GALM: variants seen among roughly 807,000 people sequenced by gnomAD.
GALM encodes galactose mutarotase.
In GALM, 43 loss-of-function variants were observed where a neutral mutation model predicts 37.4. The ratio of observed to expected loss-of-function variants is 1.15; its 90% CI spans 0.90 to 1.48. The LOEUF is 1.48. Ranked by LOEUF, GALM falls within the 40% of genes most tolerant of loss-of-function variation. The pLI is 0.00. For missense variants in GALM, 456 were observed against 419.1 expected (o/e 1.09, Z -0.77); for synonymous variants, 199 against 170.6 (o/e 1.17, Z -1.30).
chr2:38,727,943 T>A (rs975943522), intron 4 of GALM, among the ~76,000 whole-genome samples: 2 of 152,172 alleles, frequency 1.3e-5, no homozygotes, highest in Middle Eastern at 3.2e-3. Flanking sequence ...CTACTTTGCA[T>A]GCTACTTCTC....
At chr2:38,722,966 G>A (rs925181233) in intron 4 of GALM, among the ~76,000 whole-genome samples, 1 of 152,166 alleles carries the variant, frequency 6.6e-6, no homozygotes, top group African/African-American at 2.4e-5. Flanking sequence ...GGGACGGGAT[G>A]AGGGAATTCC....
intron 4 of GALM, among the ~76,000 whole-genome samples, chr2:38,705,717 A>G (rs1666022023): frequency 6.6e-6 from 1 of 152,220 alleles, no homozygotes; most frequent in Non-Finnish European, 1.5e-5. Flanking sequence ...GTGCATGTGC[A>G]GGGTCAGCAC....
At chr2:38,702,088 T>TAA (rs1665932410) in intron 4 of GALM, among the ~76,000 whole-genome samples, 1 of 152,130 alleles carries the variant, frequency 6.6e-6, no homozygotes, top group African/African-American at 2.4e-5. Context: ...TATCTTTTCT[T>TAA]GTCTAGATTA....
chr2:38,700,934 A>G (rs1665904797), intron 4 of GALM, among the ~76,000 whole-genome samples: 1 of 152,036 alleles, frequency 6.6e-6, no homozygotes, highest in Admixed American at 6.6e-5. Context: ...TCTTGATAGT[A>G]ATTATCATTT....
chr2:38,703,088 ATATATTTTTTTTTTT>A (rs1558588729), intron 4 of GALM, among the ~76,000 whole-genome samples: 2 of 7,776 alleles, frequency 2.6e-4, no homozygotes, highest in East Asian at 5.2e-3. Context: ...ATATATATAT[ATATATTTTTTTTTTT>A]TTTTTTTTTT....
intron 3 of GALM, among the ~76,000 whole-genome samples, chr2:38,687,305 A>T (rs1665561653): frequency 6.6e-6 from 1 of 152,198 alleles, no homozygotes; most frequent in Admixed American, 6.5e-5. Flanking sequence ...GCCCCAGCTC[A>T]CAGCAGAGTG....
At chr2:38,672,010 A>AC (rs1665117240) in intron 1 of GALM, among the ~76,000 whole-genome samples, 6 of 151,936 alleles carry the variant, frequency 3.9e-5, no homozygotes, top group African/African-American at 1.5e-4. Context: ...AAAAACAAAA[A>AC]AAACCCTGAT....
At chr2:38,674,894 C>T (rs1414625429) in intron 1 of GALM, among the ~76,000 whole-genome samples, 1 of 151,986 alleles carries the variant, frequency 6.6e-6, no homozygotes, top group Non-Finnish European at 1.5e-5. Context: ...GAGAGAAAAG[C>T]CTGGGCACAG....
chr2:38,690,011 A>G, intron 4 of GALM, 117 bp downstream of exon 4: 1 of 609,714 alleles, frequency 1.6e-6, no homozygotes, highest in South Asian at 2.3e-5. Context: ...TTTAGTTAAT[A>G]GAATTATTCT....
chr2:38,671,543 T>A (rs972665886), intron 1 of GALM: 2 of 152,280 alleles, frequency 1.3e-5, no homozygotes, highest in East Asian at 3.9e-4. Flanking sequence ...GCCCCCCTGA[T>A]CCAATTACCT....
chr2:38,683,049 A>T (rs536215422), intron 3 of GALM, among the ~76,000 whole-genome samples: 126 of 152,334 alleles, frequency 8.3e-4, no homozygotes, highest in African/African-American at 3.0e-3. Context: ...AAACTCGGTG[A>T]TAATTCTGTT....
At chr2:38,683,134 T>C (rs946278799) in intron 3 of GALM, among the ~76,000 whole-genome samples, 7 of 152,092 alleles carry the variant, frequency 4.6e-5, no homozygotes, top group Admixed American at 1.3e-4. Context: ...AGATTAGAAA[T>C]AAAAAGAGAA....
intron 4 of GALM, among the ~76,000 whole-genome samples, chr2:38,703,355 C>T (rs1242712412): frequency 2.0e-5 from 3 of 151,268 alleles, no homozygotes; most frequent in African/African-American, 7.3e-5. Flanking sequence ...ATCCACCCAC[C>T]TTGGCCTCTC....
intron 2 of GALM, among the ~76,000 whole-genome samples, chr2:38,678,318 A>G (rs1316243601): frequency 6.6e-6 from 1 of 151,122 alleles, no homozygotes; most frequent in Admixed American, 6.6e-5. Context: ...CCACCAACAC[A>G]TTTTTTTTTA....
chr2:38,699,177 G>A (rs940976838), intron 4 of GALM, among the ~76,000 whole-genome samples: 1 of 152,306 alleles, frequency 6.6e-6, no homozygotes, highest in African/African-American at 2.4e-5. Flanking sequence ...GCCTCTCAAA[G>A]TGCTGGGGTT....
chr2:38,731,585 C>T (rs964665436), intron 5 of GALM, 150 bp from the exon 6 acceptor site: 1 of 640,258 alleles, frequency 1.6e-6, no homozygotes, highest in African/African-American at 1.8e-5. Flanking sequence ...AAGAATTTTC[C>T]ATCATGCTCT....
intron 1 of GALM, among the ~76,000 whole-genome samples, chr2:38,672,093 T>C (rs1665121018): frequency 6.6e-6 from 1 of 151,810 alleles, no homozygotes; most frequent in African/African-American, 2.4e-5. Flanking sequence ...GGCAAGTGCT[T>C]CTTATCTTCA....
At chr2:38,676,734 G>A (rs549881915) in intron 2 of GALM, among the ~76,000 whole-genome samples, 1 of 152,326 alleles carries the variant, frequency 6.6e-6, no homozygotes, top group South Asian at 2.1e-4. Flanking sequence ...CTGCACTCCA[G>A]CCTGGGCAAC....
At chr2:38,699,950 T>C (rs1286874306) in intron 4 of GALM, among the ~76,000 whole-genome samples, 3 of 152,178 alleles carry the variant, frequency 2.0e-5, no homozygotes, top group African/African-American at 4.8e-5. Context: ...TAGTCTAAAA[T>C]GCAGGGTTTT....
Sources: gnomAD v4.1 joint callset for allele counts (sites outside exome capture counted in the v4.1 genomes callset) on GRCh38, gnomAD v4.1.1 for gene constraint, MANE v1.5 for transcripts, NCBI Gene and HGNC (gene_info 2026-07-23, HGNC 2026-07-21) for gene names.